VPS13B: variants seen among roughly 807,000 people sequenced by gnomAD.
VPS13B encodes vacuolar protein sorting 13 homolog B, also known as intermembrane lipid transfer protein VPS13B.
A neutral mutation model predicts 426.4 loss-of-function variants in VPS13B; 285 were observed. That is an observed-to-expected ratio of 0.67 (90% CI 0.61 to 0.74). The LOEUF (loss-of-function observed/expected upper bound fraction) is 0.74, where lower values mean the gene tolerates loss of function less well. Ranked by LOEUF, VPS13B falls within the 30% of genes least tolerant of loss-of-function variation. VPS13B has a pLI of 0.00. For missense variants in VPS13B, 4,537 were observed against 4,782.6 expected, an observed-to-expected ratio of 0.95 and a Z score of 1.51; for synonymous variants, 1,676 against 1,676.4, an observed-to-expected ratio of 1.00 and a Z score of 0.01.
intron 21 of VPS13B, among the ~76,000 whole-genome samples, chr8:99,393,831 C>T (rs1814584414): frequency 6.6e-6 from 1 of 151,974 alleles, no homozygotes; most frequent in Non-Finnish European, 1.5e-5. Context: ...ATTTTCTTTA[C>T]CTAGAATTAT....
At chr8:99,775,194 A>G (rs1186333790) in intron 40 of VPS13B, among the ~76,000 whole-genome samples, 1 of 151,974 alleles carries the variant, frequency 6.6e-6, no homozygotes, top group African/African-American at 2.4e-5. Context: ...ATTTTTGTAA[A>G]TGTCTACGTA....
chr8:99,403,068 C>A (rs576589883), intron 21 of VPS13B, among the ~76,000 whole-genome samples: 1 of 152,316 alleles, frequency 6.6e-6, no homozygotes, highest in East Asian at 1.9e-4. Context: ...TATTGAATCC[C>A]ATAACCAAAA....
At position 99,150,784 on chromosome 8, in the gene VPS13B, A is replaced by G. The variant is rs571471703; in HGVS notation, c.2013+2774A>G. Among the ~76,000 whole-genome samples, 4 of 152,338 alleles carry G rather than the reference A, an allele frequency of 2.6e-5. No homozygotes were observed. The South Asian group carries it at 6.2e-4, about 24-fold the overall frequency. On this transcript the variant is annotated intron_variant, in intron 14 of 61. Coordinates refer to ENST00000357162, the MANE Select transcript of VPS13B (RefSeq NM_152564.5). ...CCACAATTTACTTATCCATTCACCT[A>G]CTGAAGGACATCTTGGTTGCTTTCA...
At chr8:99,320,068 A>G (rs1180667266) in intron 19 of VPS13B, among the ~76,000 whole-genome samples, 2 of 152,192 alleles carry the variant, frequency 1.3e-5, no homozygotes, top group Admixed American at 6.5e-5. Flanking sequence ...CACCATGTCT[A>G]TCATCTGTGT....
intron 19 of VPS13B, among the ~76,000 whole-genome samples, chr8:99,369,461 T>A (rs1483551103): frequency 6.6e-6 from 1 of 152,148 alleles, no homozygotes; most frequent in African/African-American, 2.4e-5. Flanking sequence ...TATATGTGAT[T>A]GTGAGGCAGT....
intron 6 of VPS13B, among the ~76,000 whole-genome samples, chr8:99,114,692 T>G (rs77198454): frequency 0.014 from 2,063 of 152,352 alleles, 26 homozygotes; most frequent in Non-Finnish European, 0.024. Context: ...TGTGCTCATA[T>G]TTGAAATATG....
intron 16 of VPS13B, 105 bp downstream of exon 16, chr8:99,170,268 A>T (rs1812251774): frequency 2.1e-6 from 3 of 1,400,520 alleles, no homozygotes; most frequent in Non-Finnish European, 1.9e-6. Context: ...TTTATACAAA[A>T]CTTTAGAAAA....
intron 21 of VPS13B, among the ~76,000 whole-genome samples, chr8:99,410,056 A>G (rs1431583645): frequency 6.6e-6 from 1 of 152,196 alleles, no homozygotes; most frequent in African/African-American, 2.4e-5. Context: ...TGACAGGTGC[A>G]CTAAAATTTC....
At chr8:99,139,948 AT>A (rs1276933063) in intron 12 of VPS13B, among the ~76,000 whole-genome samples, 2 of 151,858 alleles carry the variant, frequency 1.3e-5, no homozygotes, top group Non-Finnish European at 2.9e-5. Flanking sequence ...CCTAAATTTT[AT>A]TAAGTAAATA....
At chr8:99,472,572 TAGAA>T (rs1239402511) in intron 24 of VPS13B, among the ~76,000 whole-genome samples, 1 of 151,158 alleles carries the variant, frequency 6.6e-6, no homozygotes. Flanking sequence ...AAAGACATAT[TAGAA>T]AGGAAGAAAG....
intron 34 of VPS13B, among the ~76,000 whole-genome samples, chr8:99,650,835 A>G (rs915608719): frequency 6.6e-6 from 1 of 152,212 alleles, no homozygotes; most frequent in Non-Finnish European, 1.5e-5. Context: ...ACATCTGTGG[A>G]TTCAACCAAC....
chr8:99,071,917 T>A (rs1429507658), intron 3 of VPS13B, among the ~76,000 whole-genome samples: 2 of 152,118 alleles, frequency 1.3e-5, no homozygotes, highest in African/African-American at 2.4e-5. Context: ...GCCAAAGGTT[T>A]GTCAGTCAGC....
chr8:99,173,027 T>A (rs1478938893), intron 16 of VPS13B, among the ~76,000 whole-genome samples: 1 of 152,186 alleles, frequency 6.6e-6, no homozygotes, highest in Admixed American at 6.6e-5. Context: ...TACTTATATA[T>A]ATCATGAGGC....
chr8:99,256,272 T>C (rs1029913408), intron 17 of VPS13B, among the ~76,000 whole-genome samples: 1 of 152,226 alleles, frequency 6.6e-6, no homozygotes, highest in Non-Finnish European at 1.5e-5. Flanking sequence ...CTATTGTATG[T>C]ATATACCACA....
intron 14 of VPS13B, among the ~76,000 whole-genome samples, chr8:99,151,475 C>T (rs80083184): frequency 0.061 from 9,338 of 151,956 alleles, 379 homozygotes; most frequent in African/African-American, 0.11. Flanking sequence ...GTATCCTTTA[C>T]GAATTGGTCC....
At position 99,778,750 on chromosome 8, in the gene VPS13B, G is replaced by T; in HGVS notation, c.7498G>T (p.Val2500Phe). Residue 2500 changes from valine to phenylalanine, a missense_variant, in exon 42 of 62, where the codon GTT (valine) becomes TTT (phenylalanine). By Grantham distance (50) the Val-to-Phe change is conservative (BLOSUM62 -1). Coordinates refer to ENST00000357162, the MANE Select transcript of VPS13B (RefSeq NM_152564.5). ...GCCATCTGAACTAGAATACATGATTGTTTCCTTCAGAGAACCACACATGTA... is the reference window on the plus strand; with the variant it reads ...GCCATCTGAACTAGAATACATGATTTTTTCCTTCAGAGAACCACACATGTA... ...NMPSELEYMI[V>F]SFREPHMYLR... The T allele has an allele frequency of 6.2e-7, 1 of 1,613,916 alleles. No individual in the cohort carries two copies.
intron 34 of VPS13B, among the ~76,000 whole-genome samples, chr8:99,652,235 C>A (rs1244768462): frequency 6.6e-6 from 1 of 152,070 alleles, no homozygotes; most frequent in Non-Finnish European, 1.5e-5. Flanking sequence ...CCTGATTCTA[C>A]TCCTTACAGC....
chr8:99,813,201 C>T (rs550091272), intron 44 of VPS13B, among the ~76,000 whole-genome samples: 4 of 152,230 alleles, frequency 2.6e-5, no homozygotes, highest in African/African-American at 9.6e-5. Flanking sequence ...CCTCCCTGGC[C>T]ACTTTTAAGA....
intron 2 of VPS13B, among the ~76,000 whole-genome samples, chr8:99,017,859 G>GT (rs1048979124): frequency 4.6e-5 from 7 of 152,134 alleles, no homozygotes; most frequent in Non-Finnish European, 8.8e-5. Context: ...AGCTGTTAGT[G>GT]TTTTTTGCTG....
Sources: allele counts gnomAD v4.1 joint callset (sites outside exome capture counted in the v4.1 genomes callset), GRCh38; gene constraint gnomAD v4.1.1; transcripts MANE v1.5; gene names NCBI Gene and HGNC (gene_info 2026-07-23, HGNC 2026-07-21).